IRAK2: variants seen among roughly 807,000 people sequenced by gnomAD.
The protein encoded by IRAK2 is interleukin 1 receptor associated kinase 2, also known as interleukin-1 receptor-associated kinase-like 2.
In IRAK2, 57 loss-of-function variants were observed where a neutral mutation model predicts 72.0. That is an observed-to-expected ratio of 0.79 (90% CI 0.64 to 0.99). The LOEUF is 0.99. IRAK2 is among the 50% of genes least tolerant of loss of function. The pLI is 0.00. For missense variants in IRAK2, 790 were observed against 794.4 expected, an observed-to-expected ratio of 0.99 and a Z score of 0.07; for synonymous variants, 293 against 312.7, an observed-to-expected ratio of 0.94 and a Z score of 0.67.
In IRAK2 at chr3:10,242,261, A is replaced by C; in HGVS notation, c.*33A>C. On this transcript the variant is annotated 3_prime_UTR_variant, in exon 13 of 13. Coordinates refer to ENST00000256458, the MANE Select transcript of IRAK2 (RefSeq NM_001570.4). ...AACACAGCTGAGGACCCTTGTCCTC[A>C]GTTGGAAAGATGAGCATCAGATCAA... is the stretch of plus-strand genomic sequence containing the variant. The C allele has an allele frequency of 7.8e-7, 1 of 1,275,240 alleles. No individual in the cohort carries two copies. The allele number at this position is 1,275,240 out of a possible 1,614,324, so 79.0% of individuals were successfully genotyped here.
At chr3:10,180,622 C>A (rs756619857) in intron 2 of IRAK2, among the ~76,000 whole-genome samples, 1 of 152,084 alleles carries the variant, frequency 6.6e-6, no homozygotes, top group Non-Finnish European at 1.5e-5. Context: ...AGCTGGGAAC[C>A]ACCTGGCTGG....
intron 2 of IRAK2, among the ~76,000 whole-genome samples, chr3:10,182,501 T>G (rs1263262835): frequency 9.3e-5 from 14 of 151,206 alleles, no homozygotes; most frequent in African/African-American, 3.4e-4. Flanking sequence ...CAGGATGGTC[T>G]CGATCTCCTG....
At chr3:10,209,268 G>T (rs1173773974) in intron 3 of IRAK2, among the ~76,000 whole-genome samples, 2 of 152,186 alleles carry the variant, frequency 1.3e-5, no homozygotes, top group Non-Finnish European at 2.9e-5. Context: ...GGGCCTAGAA[G>T]TCAAACAGAT....
At chr3:10,184,541 T>C (rs553005429) in intron 2 of IRAK2, among the ~76,000 whole-genome samples, 9 of 151,806 alleles carry the variant, frequency 5.9e-5, no homozygotes, top group Non-Finnish European at 1.2e-4. Flanking sequence ...AGAGAAGCTG[T>C]CTGCATCCCC....
intron 11 of IRAK2, among the ~76,000 whole-genome samples, chr3:10,237,811 A>G (rs1697988969): frequency 6.6e-6 from 1 of 151,038 alleles, no homozygotes; most frequent in African/African-American, 2.4e-5. Context: ...GTCTCAAAAA[A>G]AAAAAAAAAA....
At chr3:10,168,829 G>A (rs1696745610) in intron 1 of IRAK2, among the ~76,000 whole-genome samples, 1 of 152,158 alleles carries the variant, frequency 6.6e-6, no homozygotes, top group African/African-American at 2.4e-5. Context: ...GGTCTTTGCA[G>A]GTGCTGTTCC....
intron 2 of IRAK2, 45 bp downstream of exon 2, chr3:10,178,065 T>C (rs750289805): frequency 1.9e-5 from 29 of 1,488,420 alleles, no homozygotes; most frequent in African/African-American, 2.8e-5. Context: ...ATCACGCTCC[T>C]GAGCAGTTTC....
chr3:10,170,097 C>T (rs1696771543), intron 1 of IRAK2, among the ~76,000 whole-genome samples: 2 of 152,154 alleles, frequency 1.3e-5, no homozygotes, highest in Non-Finnish European at 2.9e-5. Context: ...CTCAGGGTGG[C>T]TCTAGGGAGG....
chr3:10,174,416 T>G (rs1357970562), intron 1 of IRAK2, among the ~76,000 whole-genome samples: 1 of 152,140 alleles, frequency 6.6e-6, no homozygotes, highest in East Asian at 1.9e-4. Context: ...AAGTCCAAAC[T>G]CCAAAGCTGG....
chr3:10,181,725 AT>A (rs1157385368), intron 2 of IRAK2, among the ~76,000 whole-genome samples: 1 of 152,174 alleles, frequency 6.6e-6, no homozygotes, highest in East Asian at 1.9e-4. Flanking sequence ...CATAAAGACC[AT>A]TGTAACCACA....
At position 10,165,050 on chromosome 3, in the gene IRAK2, T is replaced by C; in HGVS notation, c.94+2T>C. The C allele has an allele frequency of 1.2e-6, 2 of 1,609,234 alleles. No homozygotes were observed. The highest frequency in any genetic ancestry group is 1.7e-6 in the Non-Finnish European group (2 of 1,178,666). On this transcript the variant is annotated splice_donor_variant, in intron 1 of 12. Transcript: ENST00000256458. LOFTEE classifies it high-confidence loss of function. ...GCGAGTGGGACTGGATGGAGTTCGGTGAGTGCGGCCCGGGGAGGGGAGGGG... is the reference window on the plus strand; with the variant it reads ...GCGAGTGGGACTGGATGGAGTTCGGCGAGTGCGGCCCGGGGAGGGGAGGGG...
intron 3 of IRAK2, among the ~76,000 whole-genome samples, chr3:10,205,402 A>G (rs1697420699): frequency 6.6e-6 from 1 of 152,230 alleles, no homozygotes; most frequent in African/African-American, 2.4e-5. Flanking sequence ...AGGGATAAAT[A>G]AACCCAACTA....
At chr3:10,223,744 T>C (rs1322743215) in intron 9 of IRAK2, among the ~76,000 whole-genome samples, 1 of 152,242 alleles carries the variant, frequency 6.6e-6, no homozygotes, top group Non-Finnish European at 1.5e-5. Context: ...GTCTGGGAAA[T>C]GCTGGCTGAG....
chr3:10,229,498 C>A (rs928632736), intron 10 of IRAK2, among the ~76,000 whole-genome samples: 3 of 152,166 alleles, frequency 2.0e-5, no homozygotes, highest in African/African-American at 4.8e-5. Flanking sequence ...CCAGAAAATT[C>A]CCTCCACTTA....
chr3:10,180,221 C>T (rs1405158415), intron 2 of IRAK2, among the ~76,000 whole-genome samples: 1 of 152,118 alleles, frequency 6.6e-6, no homozygotes, highest in African/African-American at 2.4e-5. Context: ...AAAGAGACCC[C>T]CTCAGCGTAG....
chr3:10,213,298 C>T lies in IRAK2; in HGVS notation c.620C>T (p.Thr207Ile), dbSNP rs866126917. Reference sequence around the variant, plus strand: ...AGTGAGGCAGACGTGGTCCAGGCAACCGATGACTTCAATCAAAACCGCAAA... The same window carrying T: ...AGTGAGGCAGACGTGGTCCAGGCAATCGATGACTTCAATCAAAACCGCAAA... ...FWSEADVVQATDDFNQNRKIS... is the reference protein window; with the variant it reads ...FWSEADVVQAIDDFNQNRKIS... Residue 207 changes from threonine to isoleucine, a missense_variant, in exon 5 of 13, where the codon ACC becomes ATC. Transcript: ENST00000256458. 6.2e-7 allele frequency: 1 copy of T among 1,614,088 alleles called. No individual in the cohort carries two copies. The highest frequency in any genetic ancestry group is 8.5e-7 in the Non-Finnish European group (1 of 1,180,020).
At chr3:10,181,904 C>T (rs547871679) in intron 2 of IRAK2, among the ~76,000 whole-genome samples, 6 of 152,054 alleles carry the variant, frequency 3.9e-5, no homozygotes, top group Non-Finnish European at 5.9e-5. Context: ...TACTATGGCA[C>T]GTGTACTCTC....
intron 4 of IRAK2, among the ~76,000 whole-genome samples, chr3:10,210,221 A>G (rs1424240248): frequency 6.6e-6 from 1 of 151,864 alleles, no homozygotes; most frequent in Non-Finnish European, 1.5e-5. Flanking sequence ...GCACCCGGCC[A>G]TTATTTTCTT....
chr3:10,208,655 C>T (rs1056759195), intron 3 of IRAK2, among the ~76,000 whole-genome samples: 3 of 151,340 alleles, frequency 2.0e-5, no homozygotes, highest in African/African-American at 2.4e-5. Context: ...CCCAGCTACT[C>T]GGGAGGCTGA....
Sources: allele counts gnomAD v4.1 joint callset (sites outside exome capture counted in the v4.1 genomes callset), GRCh38; gene constraint gnomAD v4.1.1; transcripts MANE v1.5; gene names NCBI Gene and HGNC (gene_info 2026-07-23, HGNC 2026-07-21).